Variants in CSNK1A1 observed in about 807,000 individuals in gnomAD.
The protein encoded by CSNK1A1 is casein kinase 1 alpha 1.
Under a neutral mutation model 46.1 loss-of-function variants are expected in CSNK1A1, and 7 were observed. That is an observed-to-expected ratio of 0.15 (90% CI 0.09 to 0.29). The LOEUF is 0.29. Among genes scored for constraint, CSNK1A1 ranks in the 10% least tolerant of loss-of-function variants. The pLI is 1.00. For synonymous variants in CSNK1A1, 137 were observed against 141.5 expected (o/e 0.97, Z 0.23); for missense variants, 96 against 417.1 (o/e 0.23, Z 6.71).
At chr5:149,529,281 C>G (rs1380408727) in intron 2 of CSNK1A1, among the ~76,000 whole-genome samples, 2 of 152,128 alleles carry the variant, frequency 1.3e-5, no homozygotes, top group Non-Finnish European at 2.9e-5. Flanking sequence ...ACCATTATTA[C>G]TTACTTACAG....
At chr5:149,534,970 T>C (rs984771264) in intron 2 of CSNK1A1, among the ~76,000 whole-genome samples, 2 of 151,480 alleles carry the variant, frequency 1.3e-5, no homozygotes, top group Non-Finnish European at 2.9e-5. Context: ...ATCAAAAAAT[T>C]CCTAAATATG....
Position 149,525,018 on chromosome 5 carries a change from TTA to T in CSNK1A1, c.357+25_357+26del. ...TCCAGTCAACAGTACTAGTCTCAGT[TTA>T]TATTCTAATCAAAATTTCACATACC... On this transcript the variant is annotated intron_variant, in intron 3 of 9. Transcript: ENST00000377843. This position sits in a 1 kb window ranked among gnomAD's most constrained non-coding sequence, Gnocchi z 4.2. 1 of 1,594,506 alleles carries T rather than the reference TTA, an allele frequency of 6.3e-7. No individual in the cohort carries two copies. The highest frequency in any genetic ancestry group is 8.5e-7 in the Non-Finnish European group (1 of 1,170,176).
chr5:149,516,214 G>A (rs1288665626), intron 4 of CSNK1A1, among the ~76,000 whole-genome samples: 1 of 152,078 alleles, frequency 6.6e-6, no homozygotes, highest in Admixed American at 6.6e-5. Flanking sequence ...CAGCTATTCG[G>A]GAGGCTGAGA....
At chr5:149,544,616 A>T (rs1329394416) in intron 2 of CSNK1A1, among the ~76,000 whole-genome samples, 2 of 151,278 alleles carry the variant, frequency 1.3e-5, no homozygotes, top group Non-Finnish European at 2.9e-5. Context: ...CTTGAACAAA[A>T]GGGGCTTGAA....
chr5:149,530,731 G>A (rs1761866854), intron 2 of CSNK1A1, among the ~76,000 whole-genome samples: 1 of 152,120 alleles, frequency 6.6e-6, no homozygotes. Flanking sequence ...ACTCTGGGAA[G>A]CCGAGGCGGG....
At position 149,505,490 on chromosome 5, in the gene CSNK1A1, G is replaced by C; in HGVS notation, c.963C>G (p.Thr321=). 2 of 1,614,042 alleles carry C rather than the reference G, an allele frequency of 1.2e-6. No homozygotes were observed. The highest frequency in any genetic ancestry group is 1.7e-6 in the Non-Finnish European group (2 of 1,180,010). ...SSSGQGQQAQ[T]PTGKQTDKTK... is the part of the protein sequence containing the mutation. ...TTTTGTCAGTTTGCTTGCCTGTGGG[G>C]GTTTGGGCCTGCTGACCCTGCCCAC... The change falls in exon 9 of 10, where the codon ACC becomes ACG. Residue 321 remains threonine, a synonymous_variant. Coordinates refer to ENST00000377843, the MANE Select transcript of CSNK1A1 (RefSeq NM_001892.6).
chr5:149,528,961 G>A (rs1360583017), intron 2 of CSNK1A1, among the ~76,000 whole-genome samples: 1 of 152,042 alleles, frequency 6.6e-6, no homozygotes, highest in Non-Finnish European at 1.5e-5. Flanking sequence ...AGAAACACAG[G>A]TCTTACCTTT....
rs1762458293 is a variant in CSNK1A1 at position 149,545,722 on chromosome 5, CT to C, written c.230+4352del. 1.4e-5 allele frequency: 9 copies of C among 658,530 alleles called. No homozygotes were observed. The East Asian group carries it at 2.8e-4, about 21-fold the overall frequency. The allele number at this position is 658,530 out of a possible 1,614,324, so 40.8% of individuals were successfully genotyped here. ...GTGCTTCTTGGCAAAGTGCATGTTC[CT>C]CAGGAACCTGGAGCCCACCATTTCT... is the stretch of plus-strand genomic sequence containing the variant. On this transcript the variant is annotated intron_variant, in intron 2 of 9. Coordinates refer to ENST00000377843, the MANE Select transcript of CSNK1A1 (RefSeq NM_001892.6).
At chr5:149,534,290 TG>T (rs1274117291) in intron 2 of CSNK1A1, among the ~76,000 whole-genome samples, 1 of 151,872 alleles carries the variant, frequency 6.6e-6, no homozygotes. Context: ...GAGACCATCC[TG>T]GCCAACATGG....
chr5:149,540,951 G>T (rs1203579802), intron 2 of CSNK1A1, among the ~76,000 whole-genome samples: 2 of 151,784 alleles, frequency 1.3e-5, no homozygotes, highest in Non-Finnish European at 2.9e-5. Context: ...ATGGTGGCGG[G>T]CACCTGTAGT....
At chr5:149,505,799 G>T (rs944039959) in intron 8 of CSNK1A1, among the ~76,000 whole-genome samples, 2 of 152,140 alleles carry the variant, frequency 1.3e-5, no homozygotes. Flanking sequence ...TTATCTAGGG[G>T]AATACTCATA....
intron 2 of CSNK1A1, among the ~76,000 whole-genome samples, chr5:149,539,611 T>C (rs927047781): frequency 6.6e-6 from 1 of 152,080 alleles, no homozygotes; most frequent in African/African-American, 2.4e-5. Flanking sequence ...TTAATAACAA[T>C]TATTAATTGT....
intron 9 of CSNK1A1, 62 bp downstream of exon 9, chr5:149,505,385 G>C: frequency 6.4e-7 from 1 of 1,564,648 alleles, no homozygotes; most frequent in Non-Finnish European, 8.7e-7. Context: ...TGTTAGAAAT[G>C]AATTACCCAA....
chr5:149,516,468 A>G (rs1426274830), intron 4 of CSNK1A1, among the ~76,000 whole-genome samples: 1 of 150,508 alleles, frequency 6.6e-6, no homozygotes, highest in Non-Finnish European at 1.5e-5. Context: ...TAGTACTTGC[A>G]GCATTTTTTT....
intron 9 of CSNK1A1, chr5:149,502,941 G>A: frequency 1.5e-6 from 1 of 645,872 alleles, no homozygotes; most frequent in Non-Finnish European, 1.9e-6. Context: ...GCTAATTTTT[G>A]TATTTTTTGT....
At chr5:149,524,955 C>T (rs1580841917) in intron 3 of CSNK1A1, 90 bp downstream of exon 3, 1 of 1,205,594 alleles carries the variant, frequency 8.3e-7, no homozygotes, top group East Asian at 2.6e-5. Flanking sequence ...AATAGTGATG[C>T]ACAGGATTTT....
chr5:149,544,220 CT>C (rs889388389), intron 2 of CSNK1A1, among the ~76,000 whole-genome samples: 1 of 152,072 alleles, frequency 6.6e-6, no homozygotes, highest in South Asian at 2.1e-4. Flanking sequence ...TAGAACAATC[CT>C]TTTTTTATGT....
intron 9 of CSNK1A1, chr5:149,497,157 C>A: frequency 8.7e-7 from 1 of 1,147,040 alleles, no homozygotes; most frequent in African/African-American, 1.6e-5. Context: ...TGCATTTTTA[C>A]ATATGCAGAA....
chr5:149,506,145 T>A (rs188527918), intron 8 of CSNK1A1, among the ~76,000 whole-genome samples: 3 of 152,254 alleles, frequency 2.0e-5, no homozygotes, highest in Non-Finnish European at 2.9e-5. Context: ...CAGGCTGGTC[T>A]CGAGCTCCTG....
Sources: allele counts gnomAD v4.1 joint callset (sites outside exome capture counted in the v4.1 genomes callset), GRCh38; gene constraint gnomAD v4.1.1; non-coding constraint Gnocchi (gnomAD v3.1); transcripts MANE v1.5; gene names NCBI Gene and HGNC (gene_info 2026-07-23, HGNC 2026-07-21).